OGT: variants seen among roughly 807,000 people sequenced by gnomAD.
OGT encodes UDP-N-acetylglucosamine--peptide N-acetylglucosaminyltransferase 110 kDa subunit.
Under a neutral mutation model 75.8 loss-of-function variants are expected in OGT, and 3 were observed. That is an observed-to-expected ratio of 0.04 (90% confidence interval 0.02 to 0.10). OGT has a LOEUF of 0.10. Among genes scored for constraint, OGT ranks in the 10% least tolerant of loss-of-function variants. OGT has a pLI of 1.00. For missense variants in OGT, 260 were observed against 824.4 expected, an observed-to-expected ratio of 0.32 and a Z score of 8.38; for synonymous variants, 257 against 289.7, an observed-to-expected ratio of 0.89 and a Z score of 1.15.
At chrX:71,539,990 CCTG>C (rs1487557789) in intron 3 of OGT, among the ~76,000 whole-genome samples, 3 of 112,263 alleles carry the variant, frequency 2.7e-5, no homozygotes, top group Non-Finnish European at 5.6e-5. Context: ...TAATATCTAA[CCTG>C]CTGTTAGCAG....
At chrX:71,538,478 A>G (rs1453883807) in intron 3 of OGT, among the ~76,000 whole-genome samples, 1 of 112,377 alleles carries the variant, frequency 8.9e-6, no homozygotes, top group Non-Finnish European at 1.9e-5. Context: ...ACAAGATGCC[A>G]CTATATGGAA....
chrX:71,555,433 C>CT (rs1569427765), intron 7 of OGT, 48 bp downstream of exon 7: 13 of 1,092,731 alleles, frequency 1.2e-5, no homozygotes, highest in Middle Eastern at 2.7e-4. Flanking sequence ...GATTAAGAGT[C>CT]TTTTCTGGCC....
At chrX:71,552,721 T>G (rs1354695870) in intron 5 of OGT, among the ~76,000 whole-genome samples, 1 of 109,013 alleles carries the variant, frequency 9.2e-6, no homozygotes, top group Non-Finnish European at 1.9e-5. Flanking sequence ...CTTTTTTTTT[T>G]TTTTTTCTGT....
At chrX:71,533,838 C>T (rs1396617640) in intron 1 of OGT, among the ~76,000 whole-genome samples, 1 of 110,668 alleles carries the variant, frequency 9.0e-6, no homozygotes, top group African/African-American at 3.3e-5. Flanking sequence ...ATCATATCCT[C>T]ACTTTGCATC....
chrX:71,560,082 C>T (rs2040371740), intron 14 of OGT, among the ~76,000 whole-genome samples: 1 of 109,482 alleles, frequency 9.1e-6, no homozygotes, highest in South Asian at 3.9e-4. Flanking sequence ...GAGATGAGAC[C>T]ATCTTGACTA....
intron 21 of OGT, among the ~76,000 whole-genome samples, chrX:71,569,314 C>T (rs1320050291): frequency 3.6e-5 from 4 of 111,392 alleles, no homozygotes; most frequent in Non-Finnish European, 5.7e-5. Context: ...GGCAACAGAG[C>T]GAGACTCTGT....
chrX:71,550,912 T>C (rs2040299427), intron 5 of OGT, among the ~76,000 whole-genome samples: 1 of 108,978 alleles, frequency 9.2e-6, no homozygotes, highest in Non-Finnish European at 1.9e-5. Context: ...GGAGGAGGGA[T>C]GGGGAAAAGG....
At chrX:71,546,977 G>A in intron 4 of OGT, 1 of 754,908 alleles carries the variant, frequency 1.3e-6, no homozygotes, top group Non-Finnish European at 1.6e-6. Flanking sequence ...CCATGGGCCT[G>A]TCTAGTAGAT....
chrX:71,555,419 G>A, intron 7 of OGT, 34 bp downstream of exon 7: 3 of 1,151,830 alleles, frequency 2.6e-6, no homozygotes, highest in Non-Finnish European at 3.5e-6. Context: ...TTGTTATCTG[G>A]TAGGATTAAG....
intron 3 of OGT, among the ~76,000 whole-genome samples, chrX:71,543,299 G>A (rs749648401): frequency 1.8e-5 from 2 of 111,611 alleles, no homozygotes; most frequent in African/African-American, 6.5e-5. Context: ...TGTTGTCATT[G>A]TTTCTGCCTG....
chrX:71,544,663 C>T (rs1036835659), intron 4 of OGT, 28 bp downstream of exon 4: 1 of 1,133,714 alleles, frequency 8.8e-7, no homozygotes, highest in African/African-American at 1.8e-5. Flanking sequence ...CACATTTAAA[C>T]ATCAGTATTA....
At chrX:71,535,614 A>G (rs2040169897) in intron 1 of OGT, among the ~76,000 whole-genome samples, 1 of 111,893 alleles carries the variant, frequency 8.9e-6, no homozygotes, top group African/African-American at 3.2e-5. Context: ...AAAGAATTAA[A>G]TTCTGAAATA....
Position 71,574,480 on chromosome X carries a change from C to T in OGT, c.*686C>T, listed in dbSNP as rs1010342279. On this transcript the variant is annotated 3_prime_UTR_variant, in exon 22 of 22. Transcript: ENST00000373719. Reference sequence around the variant, plus strand: ...TCTTCCCTGACCCCCATACCCTCACCCTTAAAATTCTCCTGTAACTCAACT... The same window carrying T: ...TCTTCCCTGACCCCCATACCCTCACTCTTAAAATTCTCCTGTAACTCAACT... 2.7e-5 allele frequency: 3 copies of T among 110,886 alleles called. No individual in the cohort carries two copies. Among genetic ancestry groups the T allele is most frequent in the Non-Finnish European group, 5.7e-5 (3 of 52,911 alleles). 9.1% of individuals were successfully genotyped at this position (110,886 alleles called of 1,213,427 possible). A position where few individuals can be genotyped will look rare whatever the true frequency, so the allele number is the denominator to read the frequency against.
chrX:71,547,760 C>A, intron 4 of OGT, 147 bp from the exon 5 acceptor site: 1 of 1,122,367 alleles, frequency 8.9e-7, no homozygotes. Context: ...GCCTATGCTG[C>A]AGGGTCACTT....
intron 18 of OGT, among the ~76,000 whole-genome samples, chrX:71,564,296 G>T (rs757970364): frequency 8.9e-6 from 1 of 112,028 alleles, no homozygotes; most frequent in Non-Finnish European, 1.9e-5. Flanking sequence ...GAGTAATTTA[G>T]CCTTGAAGAG....
In OGT at chrX:71,561,947, A is replaced by T. The variant is rs749238402; in HGVS notation, c.1977+47A>T. 27 of 1,107,892 alleles carry T rather than the reference A, an allele frequency of 2.4e-5. No homozygotes were observed. The East Asian group carries it at 7.4e-4, about 31-fold the overall frequency. 91.3% of individuals were successfully genotyped at this position (1,107,892 alleles called of 1,213,427 possible). A position where few individuals can be genotyped will look rare whatever the true frequency, so the allele number is the denominator to read the frequency against. Reference sequence around the variant, plus strand: ...ACTTATAACATGTATTTGGCTAAGAATACAGTGAGGTGCTGCTTTTCCTCC... The same window carrying T: ...ACTTATAACATGTATTTGGCTAAGATTACAGTGAGGTGCTGCTTTTCCTCC... On this transcript the variant is annotated intron_variant, in intron 15 of 21. Transcript: ENST00000373719.
chrX:71,540,860 A>G (rs759152517), intron 3 of OGT, among the ~76,000 whole-genome samples: 40 of 110,838 alleles, frequency 3.6e-4, no homozygotes, highest in African/African-American at 1.3e-3. Flanking sequence ...TTTTACAAAA[A>G]CAGGCTTTCA....
rs1442273046 is a variant in OGT, at chrX:71,567,443, CTT to C, written c.2590-55_2590-54del. 4.9e-6 allele frequency: 5 copies of C among 1,020,792 alleles called. No homozygotes were observed. The South Asian group carries it at 8.2e-5, about 17-fold the overall frequency. The allele number at this position is 1,020,792 out of a possible 1,213,427, so 84.1% of individuals were successfully genotyped here. Reference sequence around the variant, plus strand: ...AGAATTATTAGAGACCTCTGGGAGTCTTTGTTGAAAAAGGCAGATCTGCTATT... The same window carrying C: ...AGAATTATTAGAGACCTCTGGGAGTCTGTTGAAAAAGGCAGATCTGCTATT... On this transcript the variant is annotated intron_variant, in intron 19 of 21. Transcript: ENST00000373719.
Position 71,573,705 on chromosome X carries a change from C to G in OGT, c.3052C>G (p.Arg1018Gly). 3.3e-6 allele frequency: 4 copies of G among 1,207,679 alleles called. No individual in the cohort carries two copies. The Admixed American group carries it at 6.5e-5, about 20-fold the overall frequency. ...NTKQYTMELE[R>G]LYLQMWEHYA... ...CAAACAATACACAATGGAACTAGAGCGGCTCTATCTACAGATGTGGGAGCA... is the reference window on the plus strand; with the variant it reads ...CAAACAATACACAATGGAACTAGAGGGGCTCTATCTACAGATGTGGGAGCA... The change falls in exon 22 of 22, where the codon CGG becomes GGG. Residue 1018 changes from arginine to glycine, a missense_variant. Coordinates refer to ENST00000373719, the MANE Select transcript of OGT (RefSeq NM_181672.3).
Sources: allele counts gnomAD v4.1 joint callset (sites outside exome capture counted in the v4.1 genomes callset), GRCh38; gene constraint gnomAD v4.1.1; transcripts MANE v1.5; gene names NCBI Gene and HGNC (gene_info 2026-07-23, HGNC 2026-07-21).